CYFIP2: variants seen among roughly 807,000 people sequenced by gnomAD.
The protein encoded by CYFIP2 is cytoplasmic FMR1-interacting protein 2.
CYFIP2 carries 29 observed loss-of-function variants against 158.7 expected under a neutral mutation model. The observed-to-expected ratio is 0.18, with a 90% CI of 0.14 to 0.25. The LOEUF is 0.25. Ranked by LOEUF, CYFIP2 falls within the 10% of genes least tolerant of loss-of-function variation. The pLI, the probability that CYFIP2 is intolerant of heterozygous loss-of-function variation, is 1.00. For synonymous variants in CYFIP2, 585 were observed against 617.6 expected, an observed-to-expected ratio of 0.95 and a Z score of 0.78; for missense variants, 852 against 1,639.5, an observed-to-expected ratio of 0.52 and a Z score of 8.29.
At chr5:157,271,231 C>T (rs748339456) in intron 1 of CYFIP2, among the ~76,000 whole-genome samples, 3 of 152,160 alleles carry the variant, frequency 2.0e-5, no homozygotes, top group Non-Finnish European at 4.4e-5. Context: ...GTTTATTATG[C>T]CCTGTATACC....
At chr5:157,342,642 G>A (rs951314434) in intron 23 of CYFIP2, 3 of 472,912 alleles carry the variant, frequency 6.3e-6, no homozygotes, top group East Asian at 3.0e-5. Flanking sequence ...CCGAGTGGAC[G>A]CTGCTGCTGA....
At chr5:157,355,601 C>T (rs1290573107) in intron 23 of CYFIP2, among the ~76,000 whole-genome samples, 1 of 152,156 alleles carries the variant, frequency 6.6e-6, no homozygotes, top group Non-Finnish European at 1.5e-5. Context: ...CAAAGCCCAT[C>T]CTATGGACTC....
Position 157,368,791 on chromosome 5 carries a change from C to T in CYFIP2, c.3039+7193C>T, listed in dbSNP as rs546858797. On this transcript the variant is annotated intron_variant, in intron 26 of 30. Coordinates refer to ENST00000620254, the MANE Select transcript of CYFIP2 (RefSeq NM_001037333.3). ...AGAGTGAGAGACTCCAGGGCATATC[C>T]CATCCATGATGGCACTGTTCACCAC... Among the ~76,000 whole-genome samples, 3 of 152,278 alleles carry T rather than the reference C, an allele frequency of 2.0e-5. No homozygotes were observed. The South Asian group carries it at 6.2e-4, about 32-fold the overall frequency.
chr5:157,315,082 T>C lies in CYFIP2; in HGVS notation c.1344T>C (p.Phe448=). ...TRYNYTSEEK[F]AFVEVIAMIK... is the part of the protein sequence containing the mutation. ...ACAATTACACCAGTGAGGAAAAATTTGCCTTCGTTGAGGTAGGTGCAGACT... is the reference window on the plus strand; with the variant it reads ...ACAATTACACCAGTGAGGAAAAATTCGCCTTCGTTGAGGTAGGTGCAGACT... Residue 448 remains phenylalanine (F), a synonymous_variant, in exon 13 of 31, where the codon TTT becomes TTC. Transcript: ENST00000620254. The C allele has an allele frequency of 4.3e-6, 7 of 1,613,698 alleles. 1 individual carries two copies. The highest frequency in any genetic ancestry group is 5.9e-6 in the Non-Finnish European group (7 of 1,179,808).
At chr5:157,276,952 T>G (rs1262476542) in intron 1 of CYFIP2, 1 of 152,120 alleles carries the variant, frequency 6.6e-6, no homozygotes, top group Non-Finnish European at 1.5e-5. Flanking sequence ...GAAAAAAATA[T>G]TAAGTAAGAA....
At chr5:157,293,355 C>T (rs569930369) in intron 3 of CYFIP2, among the ~76,000 whole-genome samples, 1 of 152,296 alleles carries the variant, frequency 6.6e-6, no homozygotes, top group African/African-American at 2.4e-5. Flanking sequence ...TGCGCCCAGC[C>T]TTGAGCCCAG....
chr5:157,320,341 A>T (rs906275941), intron 14 of CYFIP2, among the ~76,000 whole-genome samples: 5 of 152,182 alleles, frequency 3.3e-5, no homozygotes, highest in Non-Finnish European at 7.4e-5. Context: ...ACTCCCCTAT[A>T]ACCAGAAAGG....
chr5:157,310,508 C>T (rs991738059), intron 10 of CYFIP2, among the ~76,000 whole-genome samples: 12 of 152,210 alleles, frequency 7.9e-5, no homozygotes, highest in South Asian at 2.1e-4. Context: ...GAACTGCATC[C>T]GCCTGGAGCC....
intron 5 of CYFIP2, among the ~76,000 whole-genome samples, chr5:157,297,650 A>C (rs1758365181): frequency 6.6e-6 from 1 of 152,224 alleles, no homozygotes; most frequent in Non-Finnish European, 1.5e-5. Context: ...GTCTCCTGAC[A>C]AGAGGTATTT....
intron 19 of CYFIP2, among the ~76,000 whole-genome samples, chr5:157,328,461 C>T (rs1303669852): frequency 2.0e-5 from 3 of 152,186 alleles, no homozygotes; most frequent in South Asian, 4.1e-4. Flanking sequence ...TGGGGCAGGA[C>T]GTTGCAGGCA....
intron 20 of CYFIP2, among the ~76,000 whole-genome samples, chr5:157,331,051 G>T (rs572520540): frequency 1.3e-5 from 2 of 152,216 alleles, no homozygotes; most frequent in South Asian, 4.2e-4. Context: ...CAAGTTCTGG[G>T]CTTCTCCACC....
chr5:157,320,597 T>G, intron 14 of CYFIP2, 58 bp from the exon 15 acceptor site: 2 of 1,608,398 alleles, frequency 1.2e-6, no homozygotes, highest in Non-Finnish European at 8.5e-7. Context: ...AACACAAGCT[T>G]GTAGTGACGT....
chr5:157,372,674 C>A (rs1295373662), intron 26 of CYFIP2, among the ~76,000 whole-genome samples: 1 of 152,150 alleles, frequency 6.6e-6, no homozygotes, highest in East Asian at 1.9e-4. Context: ...GACGCATTTG[C>A]TAGCATCGAA....
At chr5:157,376,111 G>GC (rs1240966106) in intron 26 of CYFIP2, 6 of 130,536 alleles carry the variant, frequency 4.6e-5, no homozygotes, top group African/African-American at 1.6e-4. Context: ...TCAAAACCCT[G>GC]CCCCTCCTCT....
intron 29 of CYFIP2, 91 bp downstream of exon 29, chr5:157,389,518 G>T: frequency 1.6e-6 from 2 of 1,233,266 alleles, no homozygotes; most frequent in Non-Finnish European, 2.2e-6. Context: ...AGAAACGTGG[G>T]CAGGGGGTGG....
chr5:157,342,932 G>T (rs1762385552), intron 23 of CYFIP2: 2 of 1,614,222 alleles, frequency 1.2e-6, no homozygotes, highest in African/African-American at 2.7e-5. Flanking sequence ...CGCATCAGGG[G>T]CATCCTGGTT....
chr5:157,299,821 G>A lies in CYFIP2; in HGVS notation c.388-894G>A, dbSNP rs191676930. On this transcript the variant is annotated intron_variant, in intron 5 of 30. Coordinates refer to ENST00000620254, the MANE Select transcript of CYFIP2 (RefSeq NM_001037333.3). ...GGAGGCTTAGGCAGGAGAATCACTG[G>A]AACCTGAGAGGCGGAGGTTGCAGTG... 4.9e-3 allele frequency among the ~76,000 whole-genome samples: 744 copies of A among 152,268 alleles called. 6 individuals are homozygous for A. The highest frequency in any genetic ancestry group is 5.5e-3 in the Non-Finnish European group (377 of 68,026).
chr5:157,289,678 T>G (rs535936530), intron 3 of CYFIP2, among the ~76,000 whole-genome samples: 1 of 152,326 alleles, frequency 6.6e-6, no homozygotes, highest in Admixed American at 6.5e-5. Flanking sequence ...TGGCCTCATT[T>G]TAACTTAATT....
chr5:157,277,399 A>G (rs1417157416), intron 1 of CYFIP2, among the ~76,000 whole-genome samples: 1 of 152,052 alleles, frequency 6.6e-6, no homozygotes, highest in Admixed American at 6.5e-5. Flanking sequence ...CTGTGTTATT[A>G]ATAGTGAAGG....
Sources: gnomAD v4.1 joint callset for allele counts (sites outside exome capture counted in the v4.1 genomes callset) on GRCh38, gnomAD v4.1.1 for gene constraint, MANE v1.5 for transcripts, NCBI Gene and HGNC (gene_info 2026-07-23, HGNC 2026-07-21) for gene names.